Variants in BLTP1 observed in about 807,000 individuals in gnomAD.
BLTP1 encodes bridge-like lipid transfer protein family member 1.
chr4:122,338,358 A>G, the BLTP1 span, among the ~76,000 whole-genome samples: 2 of 152,064 alleles, frequency 1.3e-5, no homozygotes, highest in South Asian at 4.1e-4. Context: ...CTGTGGTCCT[A>G]GCAACTTGGG....
the BLTP1 span, chr4:122,152,490 G>A: frequency 1.0e-6 from 1 of 985,862 alleles, no homozygotes; most frequent in African/African-American, 1.7e-5. Flanking sequence ...CCGGCTCGGT[G>A]CTGCTGCCGT....
the BLTP1 span, chr4:122,231,684 T>TTG: frequency 1.0e-6 from 1 of 968,536 alleles, no homozygotes. Context: ...TTCCTTTTTC[T>TTG]TGTTAACATA....
At chr4:122,206,181 T>A in the BLTP1 span, 1 of 504,700 alleles carries the variant, frequency 2.0e-6, no homozygotes, top group South Asian at 8.4e-5. Flanking sequence ...TTCACCATTG[T>A]AGTCCTAGAG....
At chr4:122,207,532 C>CT in the BLTP1 span, 1 of 742,754 alleles carries the variant, frequency 1.3e-6, no homozygotes, top group Non-Finnish European at 1.8e-6. Context: ...TTTTTTTTTT[C>CT]TTTTGTAGTG....
the BLTP1 span, chr4:122,196,812 G>C: frequency 8.0e-7 from 1 of 1,253,792 alleles, no homozygotes; most frequent in African/African-American, 1.6e-5. Flanking sequence ...TAATAATATA[G>C]TAGAAAATAG....
the BLTP1 span, chr4:122,271,515 G>T: frequency 6.2e-7 from 1 of 1,613,280 alleles, no homozygotes; most frequent in Non-Finnish European, 8.5e-7. Flanking sequence ...TCTGAAAGAA[G>T]AACATCAAAA....
the BLTP1 span, chr4:122,192,395 A>G: frequency 6.6e-7 from 1 of 1,522,458 alleles, no homozygotes; most frequent in Non-Finnish European, 9.1e-7. Flanking sequence ...TGAGTATGTT[A>G]TATTTCTAAT....
At chr4:122,152,414 C>T in the BLTP1 span, 13 of 985,734 alleles carry the variant, frequency 1.3e-5, no homozygotes, top group Non-Finnish European at 1.6e-5. Flanking sequence ...GGGTCTGGAC[C>T]TGGGCGGCGG....
chr4:122,292,913 G>T, the BLTP1 span: 1 of 240,486 alleles, frequency 4.2e-6, no homozygotes, highest in East Asian at 1.8e-4. Flanking sequence ...ACTTAAAGAA[G>T]GGTTGGAAAG....
chr4:122,301,438 A>G, the BLTP1 span: 4 of 1,172,034 alleles, frequency 3.4e-6, no homozygotes, highest in Non-Finnish European at 3.6e-6. Flanking sequence ...AATTTTTCTA[A>G]TCAATTAATA....
At chr4:122,153,079 A>G in the BLTP1 span, 63 of 968,986 alleles carry the variant, frequency 6.5e-5, no homozygotes, top group Non-Finnish European at 7.7e-5. Context: ...CTAGAAGACT[A>G]CGTTTCAGCA....
At chr4:122,336,234 A>G in the BLTP1 span, 9 of 1,610,644 alleles carry the variant, frequency 5.6e-6, no homozygotes, top group Non-Finnish European at 6.8e-6. Flanking sequence ...GCCAAGTTAT[A>G]TGCCTGGGTA....
chr4:122,346,490 G>A, the BLTP1 span: 1 of 1,384,882 alleles, frequency 7.2e-7, no homozygotes, highest in Non-Finnish European at 9.4e-7. Context: ...GTAATTTGTG[G>A]AAGAATGTAA....
At chr4:122,337,136 C>T in the BLTP1 span, 1 of 911,904 alleles carries the variant, frequency 1.1e-6, no homozygotes, top group Non-Finnish European at 1.7e-6. Context: ...GTTCATGAAC[C>T]TTTAGTATGT....
At chr4:122,281,133 CAA>C in the BLTP1 span, 2 of 186,606 alleles carry the variant, frequency 1.1e-5, no homozygotes, top group Admixed American at 1.3e-4. Context: ...ACCTGCCACT[CAA>C]ATTGTTATTA....
the BLTP1 span, among the ~76,000 whole-genome samples, chr4:122,317,664 C>G: frequency 6.6e-6 from 1 of 151,424 alleles, no homozygotes; most frequent in African/African-American, 2.4e-5. Context: ...AATCAAGGAC[C>G]TTACACAACT....
At chr4:122,270,293 A>G in the BLTP1 span, 1 of 941,278 alleles carries the variant, frequency 1.1e-6, no homozygotes, top group Non-Finnish European at 1.3e-6. Flanking sequence ...TTGTTACAGA[A>G]AAAACTCCCA....
the BLTP1 span, chr4:122,316,875 A>G: frequency 1.3e-6 from 2 of 1,521,228 alleles, no homozygotes; most frequent in Non-Finnish European, 1.8e-6. Flanking sequence ...ATGTACAATG[A>G]TTTTTAATTT....
chr4:122,340,803 TAA>T, the BLTP1 span: 1 of 967,694 alleles, frequency 1.0e-6, no homozygotes, highest in Non-Finnish European at 1.2e-6. Context: ...TTTCTGATTA[TAA>T]AAGTTACACT....
Sources: allele counts gnomAD v4.1 joint callset (sites outside exome capture counted in the v4.1 genomes callset), GRCh38; gene constraint gnomAD v4.1.1; transcripts MANE v1.5; gene names NCBI Gene and HGNC (gene_info 2026-07-23, HGNC 2026-07-21).